Variants in COMMD2 observed in about 807,000 individuals in gnomAD.
COMMD2 encodes the protein COMM domain-containing protein 2.
A neutral mutation model predicts 22.5 loss-of-function variants in COMMD2; 25 were observed. The ratio of observed to expected loss-of-function variants is 1.11; its 90% confidence interval spans 0.81 to 1.55. The LOEUF (loss-of-function observed/expected upper bound fraction) is 1.55, where lower values mean the gene tolerates loss of function less well. Ranked by LOEUF, COMMD2 falls within the 40% of genes most tolerant of loss-of-function variation. COMMD2 has a pLI of 0.00. For missense variants in COMMD2, 223 were observed against 232.9 expected, an observed-to-expected ratio of 0.96 and a Z score of 0.28; for synonymous variants, 98 against 91.2, an observed-to-expected ratio of 1.07 and a Z score of -0.42.
chr3:149,738,491 AT>A lies in COMMD2; in HGVS notation c.*3029del, dbSNP rs1716120543. 1 of 152,060 alleles carries A rather than the reference AT, an allele frequency of 6.6e-6. No individual in the cohort carries two copies. Among genetic ancestry groups the A allele is most frequent in the South Asian group, 2.1e-4 (1 of 4,834 alleles). 9.4% of individuals were successfully genotyped at this position (152,060 alleles called of 1,614,324 possible). ...CAAAACTATTTCAATAATGGTAAAC[AT>A]TTATTGAGTTCTTTGTAAAGCCTGG... On this transcript the variant is annotated 3_prime_UTR_variant, in exon 5 of 5. Transcript: ENST00000473414.
chr3:149,741,383 C>G lies in COMMD2; in HGVS notation c.*138G>C. 2 of 749,834 alleles carry G rather than the reference C, an allele frequency of 2.7e-6. No individual in the cohort carries two copies. The highest frequency in any genetic ancestry group is 4.3e-6 in the Non-Finnish European group (2 of 461,120). The allele number at this position is 749,834 out of a possible 1,614,324, so 46.4% of individuals were successfully genotyped here. On this transcript the variant is annotated 3_prime_UTR_variant, in exon 5 of 5. Coordinates refer to ENST00000473414, the MANE Select transcript of COMMD2 (RefSeq NM_016094.4). Reference sequence around the variant, plus strand: ...ACCCAGCTTAGCTTCTGATTATGACCTCAGTATCTTGGAATAGATACTGAG... The same window carrying G: ...ACCCAGCTTAGCTTCTGATTATGACGTCAGTATCTTGGAATAGATACTGAG...
At chr3:149,750,469 A>G in intron 4 of COMMD2, 1 of 554,636 alleles carries the variant, frequency 1.8e-6, no homozygotes, top group Non-Finnish European at 3.3e-6. Context: ...AAAATAACCA[A>G]TTTCTTACAA....
At chr3:149,752,332 T>C in intron 1 of COMMD2, 45 bp from the exon 2 acceptor site, 1 of 1,613,826 alleles carries the variant, frequency 6.2e-7, no homozygotes, top group East Asian at 2.2e-5. Context: ...GCGCTGCCTT[T>C]GACCTCCTCC....
At chr3:149,742,262 C>G (rs1378798597) in intron 4 of COMMD2, among the ~76,000 whole-genome samples, 1 of 152,130 alleles carries the variant, frequency 6.6e-6, no homozygotes, top group Non-Finnish European at 1.5e-5. Context: ...TTACAAATAT[C>G]AGACTAGCAA....
At position 149,741,393 on chromosome 3, in the gene COMMD2, T is replaced by C; in HGVS notation, c.*128A>G. 1 of 773,636 alleles carries C rather than the reference T, an allele frequency of 1.3e-6. No individual in the cohort carries two copies. The highest frequency in any genetic ancestry group is 1.7e-5 in the South Asian group (1 of 58,214). The allele number at this position is 773,636 out of a possible 1,614,324, so 47.9% of individuals were successfully genotyped here. On this transcript the variant is annotated 3_prime_UTR_variant, in exon 5 of 5. Transcript: ENST00000473414. ...GCTTCTGATTATGACCTCAGTATCT[T>C]GGAATAGATACTGAGGAATACTATG...
intron 2 of COMMD2, 71 bp downstream of exon 2, chr3:149,752,139 T>A: frequency 3.9e-6 from 5 of 1,279,184 alleles, no homozygotes; most frequent in Non-Finnish European, 5.6e-6. Context: ...AATCCGTTTC[T>A]CTCCCGGGAG....
chr3:149,748,613 C>A (rs746243236), intron 4 of COMMD2, among the ~76,000 whole-genome samples: 1 of 152,216 alleles, frequency 6.6e-6, no homozygotes, highest in Non-Finnish European at 1.5e-5. Context: ...GATCAGCAAA[C>A]CCTTTCTATA....
rs960866852 is a variant in COMMD2, at chr3:149,738,652, C to T, written c.*2869G>A. The T allele has an allele frequency of 9.2e-5, 14 of 152,050 alleles. No individual in the cohort carries two copies. The highest frequency in any genetic ancestry group is 3.4e-4 in the African/African-American group (14 of 41,506). 9.4% of individuals were successfully genotyped at this position (152,050 alleles called of 1,614,324 possible). A position where few individuals can be genotyped will look rare whatever the true frequency, so the allele number is the denominator to read the frequency against. Reference sequence around the variant, plus strand: ...AATTTATCAAGGACCCATAATAATCCACAGAACCTAAATTCAAATCCTTTT... The same window carrying T: ...AATTTATCAAGGACCCATAATAATCTACAGAACCTAAATTCAAATCCTTTT... On this transcript the variant is annotated 3_prime_UTR_variant, in exon 5 of 5. Coordinates refer to ENST00000473414, the MANE Select transcript of COMMD2 (RefSeq NM_016094.4).
rs562827523 is a variant in COMMD2, at chr3:149,738,703, A to T, written c.*2818T>A. 6 of 152,306 alleles carry T rather than the reference A, an allele frequency of 3.9e-5. No individual in the cohort carries two copies. In the East Asian group the frequency reaches 1.2e-3, roughly 29 times the overall value. 9.4% of individuals were successfully genotyped at this position (152,306 alleles called of 1,614,324 possible). A position where few individuals can be genotyped will look rare whatever the true frequency, so the allele number is the denominator to read the frequency against. On this transcript the variant is annotated 3_prime_UTR_variant, in exon 5 of 5. Transcript: ENST00000473414. ...GTCCAACTCCGAAGACTTATCTCTT[A>T]ACCACTTCATAAGATTAAAACGCTG...
chr3:149,742,965 CA>C (rs5853437), intron 4 of COMMD2, among the ~76,000 whole-genome samples: 100,661 of 120,008 alleles, frequency 0.84, 41,965 homozygotes, highest in Non-Finnish European at 0.89. Flanking sequence ...GACTCTATCT[CA>C]AAAAAAAAAA....
intron 4 of COMMD2, among the ~76,000 whole-genome samples, chr3:149,745,058 G>A (rs1001775359): frequency 6.6e-6 from 1 of 152,050 alleles, no homozygotes; most frequent in South Asian, 2.1e-4. Flanking sequence ...AAAAGTCAGG[G>A]GACATTCGCA....
chr3:149,743,817 GAC>G (rs1284980742), intron 4 of COMMD2, among the ~76,000 whole-genome samples: 1 of 152,118 alleles, frequency 6.6e-6, no homozygotes, highest in East Asian at 1.9e-4. Flanking sequence ...CCTCTACACT[GAC>G]AGAGAGAGAC....
At position 149,741,627 on chromosome 3, in the gene COMMD2, A is replaced by G; in HGVS notation, c.494T>C (p.Leu165Pro). Residue 165 changes from leucine to proline, a missense_variant, in exon 5 of 5, where the codon CTG becomes CCG. Transcript: ENST00000473414. ...NQNGDHNTKV[L>P]QTDPATLLHL... ...GAGCAGGGTGGCTGGGTCTGTCTGC[A>G]GAACTTTGGTGTTGTGATCTCCATT... 1.2e-6 allele frequency: 2 copies of G among 1,614,054 alleles called. No homozygotes were observed. Among genetic ancestry groups the G allele is most frequent in the East Asian group, 2.2e-5 (1 of 44,842 alleles).
chr3:149,750,244 G>C (rs1294076324), intron 4 of COMMD2: 1 of 182,876 alleles, frequency 5.5e-6, no homozygotes, highest in Non-Finnish European at 1.2e-5. Flanking sequence ...TTAAAAGTCA[G>C]GATGCTGGTT....
intron 4 of COMMD2, among the ~76,000 whole-genome samples, chr3:149,743,653 C>A (rs1162705169): frequency 6.6e-6 from 1 of 152,034 alleles, no homozygotes; most frequent in Non-Finnish European, 1.5e-5. Flanking sequence ...TGAGCTGGTC[C>A]CCAAACATAA....
intron 4 of COMMD2, among the ~76,000 whole-genome samples, chr3:149,748,437 T>C (rs1388229952): frequency 2.6e-5 from 4 of 151,906 alleles, no homozygotes; most frequent in African/African-American, 9.7e-5. Context: ...TACAGTTTAG[T>C]AAAACAAAAA....
At chr3:149,745,283 T>C (rs937513626) in intron 4 of COMMD2, among the ~76,000 whole-genome samples, 5 of 152,202 alleles carry the variant, frequency 3.3e-5, no homozygotes, top group Non-Finnish European at 7.3e-5. Context: ...ACCTGGCACA[T>C]GTTAGGGGTA....
intron 1 of COMMD2, 36 bp downstream of exon 1, chr3:149,752,342 C>T (rs1465862618): frequency 6.2e-7 from 1 of 1,613,828 alleles, no homozygotes; most frequent in East Asian, 2.2e-5. Context: ...TGACCTCCTC[C>T]CCAGCCCACA....
rs368706725 is a variant in COMMD2 at position 149,752,475 on chromosome 3, G to C, written c.-31C>G. On this transcript the variant is annotated 5_prime_UTR_variant, in exon 1 of 5. Coordinates refer to ENST00000473414, the MANE Select transcript of COMMD2 (RefSeq NM_016094.4). Reference sequence around the variant, plus strand: ...CTGTCCTACGATTTCACCCGGCAGCGCCGACCCCGCCTTCGCCACTTCCGG... The same window carrying C: ...CTGTCCTACGATTTCACCCGGCAGCCCCGACCCCGCCTTCGCCACTTCCGG... The C allele has an allele frequency of 1.3e-6, 2 of 1,590,294 alleles. No homozygotes were observed. The highest frequency in any genetic ancestry group is 1.1e-5 in the South Asian group (1 of 88,990).
Sources: allele counts gnomAD v4.1 joint callset (sites outside exome capture counted in the v4.1 genomes callset), GRCh38; gene constraint gnomAD v4.1.1; transcripts MANE v1.5; gene names NCBI Gene and HGNC (gene_info 2026-07-23, HGNC 2026-07-21).